The following TSHZ2 variants were observed in gnomAD, a reference collection of about 807,000 sequenced individuals.
TSHZ2 encodes the protein teashirt zinc finger homeobox 2.
Under a neutral mutation model 74.4 loss-of-function variants are expected in TSHZ2, and 21 were observed. That is an observed-to-expected ratio of 0.28 (90% CI 0.20 to 0.41). TSHZ2 has a LOEUF of 0.41. Ranked by LOEUF, TSHZ2 falls within the 10% of genes least tolerant of loss-of-function variation. The pLI is 1.00. For missense variants in TSHZ2, 1,244 were observed against 1,293.5 expected (o/e 0.96, Z 0.59); for synonymous variants, 540 against 515.3 (o/e 1.05, Z -0.65).
At chr20:52,994,817 T>C (rs1177135866) in intron 1 of TSHZ2, among the ~76,000 whole-genome samples, 6 of 152,188 alleles carry the variant, frequency 3.9e-5, no homozygotes, top group Non-Finnish European at 7.3e-5. Context: ...CCCTCTGTTT[T>C]GCTCCTGGAA....
chr20:53,472,355 G>A (rs1052002008), intron 2 of TSHZ2, among the ~76,000 whole-genome samples: 14 of 152,134 alleles, frequency 9.2e-5, no homozygotes, highest in Non-Finnish European at 1.3e-4. Flanking sequence ...CATTGGATGC[G>A]AGGGAGGAGT....
At chr20:53,089,551 T>C (rs1341576543) in intron 1 of TSHZ2, among the ~76,000 whole-genome samples, 1 of 152,162 alleles carries the variant, frequency 6.6e-6, no homozygotes, top group African/African-American at 2.4e-5. Flanking sequence ...ACATAGTGAC[T>C]GAGAAAAGAT....
At chr20:53,367,432 T>A (rs201810) in intron 2 of TSHZ2, among the ~76,000 whole-genome samples, 135,375 of 151,944 alleles carry the variant, frequency 0.89, 60,514 homozygotes, top group African/African-American at 0.95. Flanking sequence ...AATAAATTTT[T>A]AAATTTTTTA....
chr20:53,064,838 T>C (rs1429411361), intron 1 of TSHZ2, among the ~76,000 whole-genome samples: 1 of 152,176 alleles, frequency 6.6e-6, no homozygotes, highest in East Asian at 1.9e-4. Context: ...CTTTAAGATA[T>C]GATACTATCA....
chr20:53,442,670 C>T (rs1356872368), intron 2 of TSHZ2, among the ~76,000 whole-genome samples: 4 of 152,174 alleles, frequency 2.6e-5, no homozygotes, highest in East Asian at 3.8e-4. Flanking sequence ...CCTGACAGGA[C>T]GCTATGTCTC....
At chr20:53,027,222 T>C (rs1983478457) in intron 1 of TSHZ2, among the ~76,000 whole-genome samples, 1 of 152,218 alleles carries the variant, frequency 6.6e-6, no homozygotes, top group Non-Finnish European at 1.5e-5. Context: ...GGTTAGGATG[T>C]ACTTTTCATT....
intron 1 of TSHZ2, among the ~76,000 whole-genome samples, chr20:53,045,863 C>A (rs1034158318): frequency 2.0e-5 from 3 of 152,204 alleles, no homozygotes; most frequent in Non-Finnish European, 4.4e-5. Flanking sequence ...TTCCAAAGTG[C>A]CACTCTGCAT....
intron 1 of TSHZ2, among the ~76,000 whole-genome samples, chr20:53,066,927 T>A (rs1040660956): frequency 6.6e-6 from 1 of 152,176 alleles, no homozygotes; most frequent in Non-Finnish European, 1.5e-5. Context: ...CAGAGTGGGG[T>A]GCAGGAGACA....
At chr20:53,170,106 G>C (rs1429521801) in intron 1 of TSHZ2, among the ~76,000 whole-genome samples, 5 of 152,112 alleles carry the variant, frequency 3.3e-5, no homozygotes, top group Non-Finnish European at 7.4e-5. Flanking sequence ...CTCTAGCAGA[G>C]CCACATAGCT....
intron 1 of TSHZ2, among the ~76,000 whole-genome samples, chr20:53,220,233 G>A (rs1989522628): frequency 6.6e-6 from 1 of 152,162 alleles, no homozygotes; most frequent in Non-Finnish European, 1.5e-5. Context: ...AGTCTTTGGG[G>A]TAATTGGAGC....
intron 2 of TSHZ2, among the ~76,000 whole-genome samples, chr20:53,370,688 C>T (rs1217006707): frequency 2.6e-5 from 4 of 152,008 alleles, no homozygotes; most frequent in Non-Finnish European, 5.9e-5. Flanking sequence ...CGGTTGAGGC[C>T]AGGAGTTCAA....
At chr20:53,246,508 A>C (rs1328430966) in intron 1 of TSHZ2, among the ~76,000 whole-genome samples, 1 of 152,098 alleles carries the variant, frequency 6.6e-6, no homozygotes, top group Non-Finnish European at 1.5e-5. Flanking sequence ...CCTGCCTTCC[A>C]TCAGTAATGT....
At chr20:53,038,570 A>G (rs1457268145) in intron 1 of TSHZ2, among the ~76,000 whole-genome samples, 3 of 151,962 alleles carry the variant, frequency 2.0e-5, no homozygotes, top group Non-Finnish European at 4.4e-5. Flanking sequence ...AAAATCCCAA[A>G]CCCTGGCCCC....
chr20:53,041,325 T>C (rs1294348589), intron 1 of TSHZ2, among the ~76,000 whole-genome samples: 1 of 152,250 alleles, frequency 6.6e-6, no homozygotes, highest in Admixed American at 6.5e-5. Context: ...CCTAGCAAGA[T>C]GCCAAAATCA....
rs1490987499 is a variant in TSHZ2 at position 53,255,054 on chromosome 20, A to G, written c.1596A>G (p.Gln532=). The change falls in exon 2 of 3, where the codon CAA becomes CAG. Residue 532 remains glutamine, a synonymous_variant. Transcript: ENST00000371497. The surrounding 1 kb of genome is among the most constrained non-coding windows in gnomAD (Gnocchi z 4.1). ...TCACCACAGCCATCAACAAAGCCCAAAACGGGGCCCCCAGCTGGAGTGCCT... is the reference window on the plus strand; with the variant it reads ...TCACCACAGCCATCAACAAAGCCCAGAACGGGGCCCCCAGCTGGAGTGCCT... The part of the protein sequence containing the change: ...NTVTTAINKA[Q]NGAPSWSAYP... The G allele has an allele frequency of 2.5e-6, 4 of 1,614,088 alleles. No individual in the cohort carries two copies. Among genetic ancestry groups the G allele is most frequent in the Non-Finnish European group, 3.4e-6 (4 of 1,180,038 alleles).
intron 2 of TSHZ2, among the ~76,000 whole-genome samples, chr20:53,345,358 T>C (rs924799015): frequency 6.6e-6 from 1 of 151,672 alleles, no homozygotes; most frequent in Non-Finnish European, 1.5e-5. Context: ...CTCTTGGTGG[T>C]TGGGAGAAAT....
chr20:53,468,702 A>AAAAAAAAAAC, intron 2 of TSHZ2, among the ~76,000 whole-genome samples: 1 of 150,458 alleles, frequency 6.6e-6, no homozygotes, highest in African/African-American at 2.4e-5. Context: ...AAAAAAAAAA[A>AAAAAAAAAAC]AAAAAAACTA....
intron 2 of TSHZ2, among the ~76,000 whole-genome samples, chr20:53,452,214 G>A (rs1984816224): frequency 6.6e-6 from 1 of 152,224 alleles, no homozygotes; most frequent in Non-Finnish European, 1.5e-5. Flanking sequence ...CCTACTTTAT[G>A]TGGCCCAGGG....
intron 1 of TSHZ2, among the ~76,000 whole-genome samples, chr20:53,040,155 A>G (rs1000778004): frequency 1.3e-5 from 2 of 152,182 alleles, no homozygotes; most frequent in African/African-American, 4.8e-5. Context: ...AGAGATGCAC[A>G]GTGGTGGTGG....
Sources: allele counts gnomAD v4.1 joint callset (sites outside exome capture counted in the v4.1 genomes callset), GRCh38; gene constraint gnomAD v4.1.1; non-coding constraint Gnocchi (gnomAD v3.1); transcripts MANE v1.5; gene names NCBI Gene and HGNC (gene_info 2026-07-23, HGNC 2026-07-21).